The following A3GALT2 variants were observed in gnomAD, a reference collection of about 807,000 sequenced individuals.
A3GALT2 encodes the protein alpha 1,3-galactosyltransferase 2.
In A3GALT2, 14 loss-of-function variants were observed where a neutral mutation model predicts 16.6. That is an observed-to-expected ratio of 0.84 (90% confidence interval 0.56 to 1.32). A3GALT2 has a LOEUF of 1.32. Among genes scored for constraint, A3GALT2 ranks in the 40% most tolerant of loss-of-function variants. A3GALT2 has a pLI of 0.00. For synonymous variants in A3GALT2, 253 were observed against 218.0 expected (o/e 1.16, Z -1.42); for missense variants, 600 against 490.9 (o/e 1.22, Z -2.10).
intron 3 of A3GALT2, among the ~76,000 whole-genome samples, 153 bp downstream of exon 3, chr1:33,312,348 A>C (rs1277370464): frequency 1.3e-5 from 2 of 152,188 alleles, no homozygotes; most frequent in Non-Finnish European, 2.9e-5. Flanking sequence ...AACACAGAGG[A>C]CTGGGAGATG....
intron 4 of A3GALT2, among the ~76,000 whole-genome samples, chr1:33,308,826 G>C (rs1394927845): frequency 7.4e-6 from 1 of 135,188 alleles, no homozygotes; most frequent in Non-Finnish European, 1.6e-5. Context: ...AGGGGGATTT[G>C]GCAGGGTCAT....
At chr1:33,318,651 C>G (rs1646271683) in intron 1 of A3GALT2, among the ~76,000 whole-genome samples, 1 of 152,140 alleles carries the variant, frequency 6.6e-6, no homozygotes, top group African/African-American at 2.4e-5. Context: ...TTCCCCACCT[C>G]TGTATTCTGT....
rs777814427 is a variant in A3GALT2, at chr1:33,306,847, G to A, written c.942C>T (p.Ser314=). The A allele has an allele frequency of 2.0e-6, 3 of 1,507,792 alleles. No homozygotes were observed. Among genetic ancestry groups the A allele is most frequent in the Admixed American group, 2.1e-5 (1 of 46,816 alleles). The allele number at this position is 1,507,792 out of a possible 1,614,324, so 93.4% of individuals were successfully genotyped here. The change falls in exon 5 of 5, where the codon AGC becomes AGT. Residue 314 remains serine, a synonymous_variant. Coordinates refer to ENST00000442999, the MANE Select transcript of A3GALT2 (RefSeq NM_001080438.1). ...AKVLSPEFCW[S]PDIGPRAEIR... ...TCTCGGCCCGCGGGCCGATGTCCGG[G>A]CTCCAGCAGAACTCGGGCGACAGCA...
intron 1 of A3GALT2, among the ~76,000 whole-genome samples, chr1:33,315,800 C>T (rs770094727): frequency 5.3e-5 from 8 of 152,172 alleles, no homozygotes; most frequent in Non-Finnish European, 8.8e-5. Context: ...TCTGTTAAGT[C>T]GTGCATTCAA....
rs377468457 is a variant in A3GALT2 at position 33,320,869 on chromosome 1, C to G, written c.23+207G>C. Among the ~76,000 whole-genome samples the G allele has an allele frequency of 3.0e-4, 46 of 152,058 alleles. 1 individual carries two copies. In the South Asian group the frequency reaches 9.1e-3, roughly 30 times the overall value. The stretch of plus-strand genomic sequence containing the variant: ...CTTGTGGAATACAACCTCCCCCACC[C>G]CGGTGTCCATGCACACGGATTGTCT... On this transcript the variant is annotated intron_variant, in intron 1 of 4. Coordinates refer to ENST00000442999, the MANE Select transcript of A3GALT2 (RefSeq NM_001080438.1). This position sits in a 1 kb window ranked among gnomAD's most constrained non-coding sequence, Gnocchi z 4.3.
In A3GALT2 at chr1:33,313,175, GTTTTTTTT is replaced by G. The variant is rs10662364; in HGVS notation, c.24-293_24-286del. The stretch of plus-strand genomic sequence containing the variant: ...CAAGTGTTTGTGGCTCAGTGACGGA[GTTTTTTTT>G]TTTTTTTTTTTTTTTTTTGAGACAG... On this transcript the variant is annotated intron_variant, in intron 1 of 4. Coordinates refer to ENST00000442999, the MANE Select transcript of A3GALT2 (RefSeq NM_001080438.1). 1.3e-4 allele frequency: 12 copies of G among 90,652 alleles called. 2 individuals carry two copies. The highest frequency in any genetic ancestry group is 4.2e-5 in the Non-Finnish European group (2 of 47,764). 5.6% of individuals were successfully genotyped at this position (90,652 alleles called of 1,614,324 possible). A position where few individuals can be genotyped will look rare whatever the true frequency, so the allele number is the denominator to read the frequency against.
chr1:33,312,193 G>C lies in A3GALT2; in HGVS notation c.198-4C>G, dbSNP rs201002695. On this transcript the variant is annotated splice_polypyrimidine_tract_variant and splice_region_variant and intron_variant, in intron 3 of 4. Coordinates refer to ENST00000442999, the MANE Select transcript of A3GALT2 (RefSeq NM_001080438.1). Reference sequence around the variant, plus strand: ...GGTCAGAACTTCAGGCCGGGCCCTGGCCAGGGCAGGGATGGGAAATGGAAA... The same window carrying C: ...GGTCAGAACTTCAGGCCGGGCCCTGCCCAGGGCAGGGATGGGAAATGGAAA... 1.5e-5 allele frequency: 24 copies of C among 1,613,006 alleles called. No individual in the cohort carries two copies. The highest frequency in any genetic ancestry group is 8.3e-5 in the Admixed American group (5 of 59,916).
intron 3 of A3GALT2, 50 bp downstream of exon 3, chr1:33,312,451 G>T: frequency 4.0e-6 from 6 of 1,499,366 alleles, no homozygotes; most frequent in Non-Finnish European, 4.5e-6. Flanking sequence ...GGGCAGAGCT[G>T]TGTAGGGTTT....
Position 33,306,961 on chromosome 1 carries a change from C to G in A3GALT2, c.828G>C (p.Leu276=). Residue 276 remains leucine, a synonymous_variant, in exon 5 of 5, where the codon CTG becomes CTC. Transcript: ENST00000442999. ...CCAGGCCGCGCGCGCGGTCCCAGTCCAGGCCCCCCGCACAGTGCGCCGTCA... is the reference window on the plus strand; with the variant it reads ...CCAGGCCGCGCGCGCGGTCCCAGTCGAGGCCCCCCGCACAGTGCGCCGTCA... The part of the protein sequence containing the change: ...RGLTAHCAGG[L]DWDRARGLEA... The G allele has an allele frequency of 1.3e-6, 2 of 1,503,762 alleles. No homozygotes were observed. The highest frequency in any genetic ancestry group is 8.8e-7 in the Non-Finnish European group (1 of 1,132,584). The allele number at this position is 1,503,762 out of a possible 1,614,324, so 93.2% of individuals were successfully genotyped here.
In A3GALT2 at chr1:33,306,785, T is replaced by C; in HGVS notation, c.1004A>G (p.Tyr335Cys). Reference protein sequence around the residue: ...RPRLLWAPKGYRLLRN With the variant: ...RPRLLWAPKGCRLLRN Reference sequence around the variant, plus strand: ...GCGGCGCTAGTTCCGCAGCAGCCGGTACCCCTTGGGCGCCCACAGCAGTCG... The same window carrying C: ...GCGGCGCTAGTTCCGCAGCAGCCGGCACCCCTTGGGCGCCCACAGCAGTCG... The change falls in exon 5 of 5, where the codon TAC becomes TGC. Residue 335 changes from tyrosine (Y) to cysteine (C), a missense_variant. By Grantham distance (194) the Tyr-to-Cys change is radical. Coordinates refer to ENST00000442999, the MANE Select transcript of A3GALT2 (RefSeq NM_001080438.1). 1 of 1,414,040 alleles carries C rather than the reference T, an allele frequency of 7.1e-7. No individual in the cohort carries two copies. Among genetic ancestry groups the C allele is most frequent in the Non-Finnish European group, 9.1e-7 (1 of 1,093,052 alleles). 87.6% of individuals were successfully genotyped at this position (1,414,040 alleles called of 1,614,324 possible).
chr1:33,308,249 A>T (rs2148156445), intron 4 of A3GALT2, among the ~76,000 whole-genome samples: 1 of 150,798 alleles, frequency 6.6e-6, no homozygotes, highest in South Asian at 2.1e-4. Flanking sequence ...CTAAGCCTCC[A>T]TATAAGAAGT....
At chr1:33,314,923 T>C (rs1646254261) in intron 1 of A3GALT2, 1 of 152,206 alleles carries the variant, frequency 6.6e-6, no homozygotes, top group South Asian at 2.1e-4. Flanking sequence ...CAAGGTGGTA[T>C]GTTTTGCCTA....
rs112159753 is a variant in A3GALT2, at chr1:33,310,198, C to T, written c.335+1854G>A. Among the ~76,000 whole-genome samples, 1,316 of 152,314 alleles carry T rather than the reference C, an allele frequency of 8.6e-3. 32 individuals are homozygous for T. The highest frequency in any genetic ancestry group is 0.03 in the African/African-American group (1,233 of 41,566). On this transcript the variant is annotated intron_variant, in intron 4 of 4. Coordinates refer to ENST00000442999, the MANE Select transcript of A3GALT2 (RefSeq NM_001080438.1). ...CGCGCCTGCAATCCCAGGCACTCGG[C>T]AGGCTGAGGCAGGAGAATCAGTCAG...
At chr1:33,310,370 A>T (rs1646227993) in intron 4 of A3GALT2, among the ~76,000 whole-genome samples, 1 of 152,012 alleles carries the variant, frequency 6.6e-6, no homozygotes, top group Non-Finnish European at 1.5e-5. Flanking sequence ...AAGACCGGGG[A>T]GAGGGAGAGG....
intron 1 of A3GALT2, among the ~76,000 whole-genome samples, chr1:33,318,678 C>T (rs1646271751): frequency 6.6e-6 from 1 of 152,088 alleles, no homozygotes; most frequent in African/African-American, 2.4e-5. Flanking sequence ...TGCACTCTTC[C>T]TTCCATCAGC....
rs1294095949 is a variant in A3GALT2, at chr1:33,321,077, T to C, written c.22A>G (p.Arg8Gly). The change falls in exon 1 of 5, where the codon AGG becomes GGG. Residue 8 changes from arginine to glycine, a missense_variant and splice_region_variant. By Grantham distance (125) the Arg-to-Gly change is moderately radical. Coordinates refer to ENST00000442999, the MANE Select transcript of A3GALT2 (RefSeq NM_001080438.1). ...CTCCATACCATTGTCCCCCCTCACC[T>C]GAGTCCCTCCTTGAGAGCCATATGG... The part of the protein sequence containing the change: MALKEGL[R>G]AWKRIFWRQI... 8 of 1,612,950 alleles carry C rather than the reference T, an allele frequency of 5.0e-6. No homozygotes were observed. In the African/African-American group the frequency reaches 8.0e-5, roughly 16 times the overall value.
In A3GALT2 at chr1:33,306,969, C is replaced by T. The variant is rs1299089989; in HGVS notation, c.820G>A (p.Gly274Arg). ...ALRGLTAHCAGGLDWDRARGL... is the reference protein window; with the variant it reads ...ALRGLTAHCARGLDWDRARGL... Reference sequence around the variant, plus strand: ...CGCGCGCGGTCCCAGTCCAGGCCCCCCGCACAGTGCGCCGTCAGCCCGCGC... The same window carrying T: ...CGCGCGCGGTCCCAGTCCAGGCCCCTCGCACAGTGCGCCGTCAGCCCGCGC... The change falls in exon 5 of 5, where the codon GGG becomes AGG. Residue 274 changes from glycine to arginine, a missense_variant. By Grantham distance (125) the Gly-to-Arg change is moderately radical. Coordinates refer to ENST00000442999, the MANE Select transcript of A3GALT2 (RefSeq NM_001080438.1). 17 of 1,490,560 alleles carry T rather than the reference C, an allele frequency of 1.1e-5. No homozygotes were observed. The African/African-American group carries it at 1.9e-4, about 17-fold the overall frequency. 92.3% of individuals were successfully genotyped at this position (1,490,560 alleles called of 1,614,324 possible).
chr1:33,307,318 C>T lies in A3GALT2; in HGVS notation c.471G>A (p.Arg157=). The stretch of plus-strand genomic sequence containing the variant: ...CGCGCGCCACGCGCTCCACGGGCAG[C>T]CGGCGTCCCGGGCCCAGCGCCACGC... ...VPRVALGPGR[R]LPVERVARER... Residue 157 remains arginine (R), a synonymous_variant, in exon 5 of 5, where the codon CGG becomes CGA. Coordinates refer to ENST00000442999, the MANE Select transcript of A3GALT2 (RefSeq NM_001080438.1). The T allele has an allele frequency of 8.0e-6, 12 of 1,503,178 alleles. No individual in the cohort carries two copies. The highest frequency in any genetic ancestry group is 8.8e-6 in the Non-Finnish European group (10 of 1,136,324). 93.1% of individuals were successfully genotyped at this position (1,503,178 alleles called of 1,614,324 possible).
At position 33,307,261 on chromosome 1, in the gene A3GALT2, G is replaced by A; in HGVS notation, c.528C>T (p.Arg176=). 1.4e-6 allele frequency: 2 copies of A among 1,462,910 alleles called. No individual in the cohort carries two copies. The highest frequency in any genetic ancestry group is 1.8e-6 in the Non-Finnish European group (2 of 1,110,032). The allele number at this position is 1,462,910 out of a possible 1,614,324, so 90.6% of individuals were successfully genotyped here. A position where few individuals can be genotyped will look rare whatever the true frequency, so the allele number is the denominator to read the frequency against. The part of the protein sequence containing the change: ...ERRWQDVSMA[R]MRTLHAALGG... ...CCAGCGCCGCGTGCAACGTGCGCAT[G>A]CGCGCCATCGACACGTCTTGCCAGC... Residue 176 remains arginine, a synonymous_variant, in exon 5 of 5, where the codon CGC becomes CGT. Transcript: ENST00000442999.
Sources: allele counts gnomAD v4.1 joint callset (sites outside exome capture counted in the v4.1 genomes callset), GRCh38; gene constraint gnomAD v4.1.1; non-coding constraint Gnocchi (gnomAD v3.1); transcripts MANE v1.5; gene names NCBI Gene and HGNC (gene_info 2026-07-23, HGNC 2026-07-21).